The following PLEKHM3 variants were observed in gnomAD, a reference collection of about 807,000 sequenced individuals.
PLEKHM3 encodes pleckstrin homology domain-containing family M member 3.
Under a neutral mutation model 81.8 loss-of-function variants are expected in PLEKHM3, and 45 were observed. That is an observed-to-expected ratio of 0.55 (90% CI 0.43 to 0.71). The LOEUF (loss-of-function observed/expected upper bound fraction) is 0.71. Ranked by LOEUF, PLEKHM3 falls within the 30% of genes least tolerant of loss-of-function variation. PLEKHM3 has a pLI of 0.00. For synonymous variants in PLEKHM3, 352 were observed against 356.4 expected, an observed-to-expected ratio of 0.99 and a Z score of 0.14; for missense variants, 788 against 924.3, an observed-to-expected ratio of 0.85 and a Z score of 1.91.
chr2:207,862,914 C>T (rs1316506132), intron 6 of PLEKHM3, among the ~76,000 whole-genome samples: 1 of 152,120 alleles, frequency 6.6e-6, no homozygotes, highest in Non-Finnish European at 1.5e-5. Flanking sequence ...GGGTACCCTC[C>T]CATGTGTGGA....
intron 5 of PLEKHM3, among the ~76,000 whole-genome samples, chr2:207,928,464 C>G (rs1051806169): frequency 2.0e-5 from 3 of 152,200 alleles, no homozygotes; most frequent in Non-Finnish European, 2.9e-5. Context: ...TAAGAACAGT[C>G]TAGGATAAGA....
chr2:208,024,509 A>C (rs190989793), intron 1 of PLEKHM3, among the ~76,000 whole-genome samples: 1 of 152,314 alleles, frequency 6.6e-6, no homozygotes, highest in Non-Finnish European at 1.5e-5. Flanking sequence ...ATTTTTAGAG[A>C]CTAGATATAT....
intron 5 of PLEKHM3, among the ~76,000 whole-genome samples, chr2:207,914,399 G>T (rs1167137504): frequency 1.3e-5 from 2 of 152,024 alleles, no homozygotes; most frequent in Non-Finnish European, 2.9e-5. Context: ...TCAGGAGGCT[G>T]AGGCAGGAGA....
intron 3 of PLEKHM3, among the ~76,000 whole-genome samples, chr2:207,959,179 C>T (rs1000291075): frequency 1.3e-5 from 2 of 152,146 alleles, no homozygotes; most frequent in African/African-American, 4.8e-5. Flanking sequence ...AAAGCACATG[C>T]CTCTCTCACC....
At chr2:207,965,602 A>C (rs1690882958) in intron 3 of PLEKHM3, among the ~76,000 whole-genome samples, 1 of 152,244 alleles carries the variant, frequency 6.6e-6, no homozygotes, top group Non-Finnish European at 1.5e-5. Context: ...TAAAGTGATC[A>C]AATCTCTTTG....
intron 5 of PLEKHM3, among the ~76,000 whole-genome samples, chr2:207,921,499 T>C (rs187152898): frequency 1.8e-4 from 27 of 152,354 alleles, no homozygotes; most frequent in African/African-American, 6.0e-4. Flanking sequence ...ACATTTATCA[T>C]TTCTTTATGG....
chr2:207,852,175 C>T (rs2092416426), intron 7 of PLEKHM3, among the ~76,000 whole-genome samples: 1 of 152,120 alleles, frequency 6.6e-6, no homozygotes. Context: ...TTGAAGACTA[C>T]AGGTGCAGAA....
In PLEKHM3 at chr2:207,837,688, G is replaced by A. The variant is rs142769162; in HGVS notation, c.2109-9192C>T. Among the ~76,000 whole-genome samples the A allele has an allele frequency of 5.5e-4, 68 of 122,696 alleles. 4 individuals are homozygous for A. The East Asian group carries it at 0.01, about 18-fold the overall frequency. The allele number at this position is 122,696 out of a possible 152,430, so 80.5% of individuals were successfully genotyped here. A position where few individuals can be genotyped will look rare whatever the true frequency, so the allele number is the denominator to read the frequency against. Reference sequence around the variant, plus strand: ...AGGCTGGTCTTGTTCTCCTGACCTCGTGATCTGCCCACCTCGGCCTCCCAA... The same window carrying A: ...AGGCTGGTCTTGTTCTCCTGACCTCATGATCTGCCCACCTCGGCCTCCCAA... On this transcript the variant is annotated intron_variant, in intron 7 of 7. Transcript: ENST00000427836.
intron 6 of PLEKHM3, among the ~76,000 whole-genome samples, chr2:207,883,086 G>A (rs1687754080): frequency 6.6e-6 from 1 of 152,164 alleles, no homozygotes; most frequent in African/African-American, 2.4e-5. Context: ...CCACACCTGT[G>A]ACGTTACCAT....
At chr2:207,992,326 T>C (rs1254198462) in intron 2 of PLEKHM3, among the ~76,000 whole-genome samples, 1 of 152,230 alleles carries the variant, frequency 6.6e-6, no homozygotes, top group Non-Finnish European at 1.5e-5. Context: ...GATAATATCA[T>C]CTATTATGTT....
At chr2:207,905,677 AATATG>A (rs1688578046) in intron 6 of PLEKHM3, among the ~76,000 whole-genome samples, 1 of 152,242 alleles carries the variant, frequency 6.6e-6, no homozygotes, top group Admixed American at 6.5e-5. Context: ...ACTTCCTTTA[AATATG>A]ATAAGTTTGG....
At chr2:207,937,404 A>G (rs1689791716) in intron 4 of PLEKHM3, among the ~76,000 whole-genome samples, 1 of 152,160 alleles carries the variant, frequency 6.6e-6, no homozygotes, top group African/African-American at 2.4e-5. Flanking sequence ...TGTCTCTACC[A>G]AAAACTAATT....
At chr2:208,010,198 C>T (rs6749123) in intron 1 of PLEKHM3, among the ~76,000 whole-genome samples, 22 of 152,356 alleles carry the variant, frequency 1.4e-4, no homozygotes, top group African/African-American at 5.3e-4. Flanking sequence ...CATCTCTGCA[C>T]ATGTTTATTG....
intron 6 of PLEKHM3, among the ~76,000 whole-genome samples, chr2:207,888,791 C>G (rs1687961186): frequency 6.6e-6 from 1 of 152,202 alleles, no homozygotes; most frequent in Admixed American, 6.5e-5. Context: ...CACATTATAC[C>G]TGTTCCCTAG....
intron 6 of PLEKHM3, among the ~76,000 whole-genome samples, chr2:207,893,864 C>T (rs1688139571): frequency 6.6e-6 from 1 of 152,024 alleles, no homozygotes; most frequent in African/African-American, 2.4e-5. Flanking sequence ...ACCTGTAATC[C>T]CAGCACTTTG....
At chr2:208,009,562 T>C (rs1380704478) in intron 1 of PLEKHM3, among the ~76,000 whole-genome samples, 2 of 152,150 alleles carry the variant, frequency 1.3e-5, no homozygotes. Flanking sequence ...ACAATGTGAG[T>C]ACTATTACCC....
At chr2:207,893,413 C>G (rs1257050251) in intron 6 of PLEKHM3, among the ~76,000 whole-genome samples, 1 of 152,170 alleles carries the variant, frequency 6.6e-6, no homozygotes, top group Non-Finnish European at 1.5e-5. Flanking sequence ...TATACACACA[C>G]CTAAAATGTC....
Position 208,001,067 on chromosome 2 carries a change from G to A in PLEKHM3, c.573C>T (p.Pro191=), listed in dbSNP as rs113298026. Residue 191 remains proline, a synonymous_variant, in exon 2 of 8, where the codon CCC becomes CCT. Transcript: ENST00000427836. ...PHVTRPSFLL[P]SPNKIEDAQG... ...GAGCATCTTCTATCTTATTTGGTGA[G>A]GGCAACAGAAAAGATGGCCTGGTGA... The A allele has an allele frequency of 5.8e-5, 90 of 1,561,874 alleles. No individual in the cohort carries two copies. In the African/African-American group the frequency reaches 7.6e-4, roughly 13 times the overall value.
chr2:207,931,033 G>A lies in PLEKHM3; in HGVS notation c.1779C>T (p.His593=). ...DIQQENAMLY[H]HAEPLAAVLR... is the part of the protein sequence containing the mutation. ...GCACGGCGGCCAGCGGCTCTGCGTG[G>A]TGGTACAGCATGGCGTTCTCCTGCT... Residue 593 remains histidine, a synonymous_variant, in exon 5 of 8, where the codon CAC becomes CAT. Coordinates refer to ENST00000427836, the MANE Select transcript of PLEKHM3 (RefSeq NM_001080475.3). 1 of 1,614,112 alleles carries A rather than the reference G, an allele frequency of 6.2e-7. No homozygotes were observed. Among genetic ancestry groups the A allele is most frequent in the Non-Finnish European group, 8.5e-7 (1 of 1,179,962 alleles).
Sources: allele counts gnomAD v4.1 joint callset (sites outside exome capture counted in the v4.1 genomes callset), GRCh38; gene constraint gnomAD v4.1.1; transcripts MANE v1.5; gene names NCBI Gene and HGNC (gene_info 2026-07-23, HGNC 2026-07-21).